Variants in SORCS1 observed in about 807,000 individuals in gnomAD.
SORCS1 encodes sortilin related VPS10 domain containing receptor 1.
In SORCS1, 60 loss-of-function variants were observed where a neutral mutation model predicts 146.1. The ratio of observed to expected loss-of-function variants is 0.41; its 90% CI spans 0.33 to 0.51. The LOEUF is 0.51. Ranked by LOEUF, SORCS1 falls within the 20% of genes least tolerant of loss-of-function variation. The probability of loss-of-function intolerance (pLI) is 0.21; values close to 1 mark genes in which losing one functional copy is unlikely to be tolerated. For synonymous variants in SORCS1, 637 were observed against 584.0 expected, an observed-to-expected ratio of 1.09 and a Z score of -1.31; for missense variants, 1,352 against 1,487.6, an observed-to-expected ratio of 0.91 and a Z score of 1.50.
rs866732842 is a variant in SORCS1 at position 106,927,812 on chromosome 10, T to G, written c.626+28701A>C. On this transcript the variant is annotated intron_variant, in intron 2 of 25. Transcript: ENST00000263054. ...GAGCTAGACACAGGGTACTGATTGG[T>G]GTGTTTACAAACCTTGAGCTAGACA... 1.0e-3 allele frequency among the ~76,000 whole-genome samples: 157 copies of G among 152,180 alleles called. 1 individual carries two copies. Among genetic ancestry groups the G allele is most frequent in the Admixed American group, 2.2e-3 (34 of 15,278 alleles).
At chr10:107,073,068 C>G (rs1430928778) in intron 1 of SORCS1, among the ~76,000 whole-genome samples, 1 of 152,172 alleles carries the variant, frequency 6.6e-6, no homozygotes, top group Non-Finnish European at 1.5e-5. Flanking sequence ...ACTGTCTGGT[C>G]TCAATTACTT....
chr10:106,893,749 G>A (rs1301910098), intron 2 of SORCS1, among the ~76,000 whole-genome samples: 4 of 152,190 alleles, frequency 2.6e-5, no homozygotes, highest in Non-Finnish European at 5.9e-5. Flanking sequence ...AGGAGAAAGA[G>A]TGGAGTTCAG....
At chr10:106,804,391 A>ACC (rs148084670) in intron 3 of SORCS1, among the ~76,000 whole-genome samples, 42,216 of 149,624 alleles carry the variant, frequency 0.28, 6,282 homozygotes, top group Non-Finnish European at 0.31. Context: ...AATAAAATAA[A>ACC]CCTAACAAAT....
intron 6 of SORCS1, among the ~76,000 whole-genome samples, chr10:106,719,118 T>G (rs1318114673): frequency 6.6e-6 from 1 of 151,330 alleles, no homozygotes; most frequent in East Asian, 1.9e-4. Flanking sequence ...GGGGAAGGAG[T>G]TAAAGAGCGA....
rs77151638 is a variant in SORCS1, at chr10:107,153,882, C to T, written c.558+10087G>A. Among the ~76,000 whole-genome samples the T allele has an allele frequency of 1.0e-2, 1,518 of 152,248 alleles. 35 individuals are homozygous for T. The highest frequency in any genetic ancestry group is 0.034 in the African/African-American group (1,416 of 41,540). ...AGAATCCTAACATTCATCATTATCA[C>T]TGGCAAACATTTTGAGTCATATCCT... On this transcript the variant is annotated intron_variant, in intron 1 of 25. Transcript: ENST00000263054.
chr10:107,020,674 T>G (rs1958089020), intron 1 of SORCS1, among the ~76,000 whole-genome samples: 1 of 152,184 alleles, frequency 6.6e-6, no homozygotes, highest in African/African-American at 2.4e-5. Context: ...GTCCTGTTTT[T>G]CTTCCTGTTA....
intron 22 of SORCS1, 63 bp downstream of exon 22, chr10:106,611,848 T>C (rs1410341139): frequency 7.9e-7 from 1 of 1,270,420 alleles, no homozygotes; most frequent in Non-Finnish European, 1.1e-6. Context: ...CCCCTTTCTG[T>C]GAAATTCTTC....
At position 106,597,331 on chromosome 10, in the gene SORCS1, C is replaced by G; in HGVS notation, c.3265+20G>C. On this transcript the variant is annotated intron_variant, in intron 24 of 25. Transcript: ENST00000263054. ...CTTTGCCAGAGCCACCAGCCAGAAC[C>G]CCGGGACATGGACACTGACCCGCTG... 6.2e-7 allele frequency: 1 copy of G among 1,608,670 alleles called. No homozygotes were observed. Among genetic ancestry groups the G allele is most frequent in the Non-Finnish European group, 8.5e-7 (1 of 1,175,274 alleles).
chr10:106,705,530 G>A (rs1854455252), intron 8 of SORCS1, among the ~76,000 whole-genome samples: 1 of 152,142 alleles, frequency 6.6e-6, no homozygotes, highest in Non-Finnish European at 1.5e-5. Flanking sequence ...AAGAGGCATG[G>A]CAACTCAATT....
In SORCS1 at chr10:106,599,932, C is replaced by T. The variant is rs373168188; in HGVS notation, c.3166-2482G>A. On this transcript the variant is annotated intron_variant, in intron 23 of 25. Coordinates refer to ENST00000263054, the MANE Select transcript of SORCS1 (RefSeq NM_052918.5). ...GATTACAGGCGCCTGCCACCACATC[C>T]GGCTATTTTGTTGTTTGTTTGTTTG... Among the ~76,000 whole-genome samples the T allele has an allele frequency of 1.0e-3, 158 of 152,022 alleles. 3 individuals carry two copies. In the South Asian group the frequency reaches 0.031, roughly 30 times the overall value.
chr10:106,901,751 T>C (rs1352131583), intron 2 of SORCS1, among the ~76,000 whole-genome samples: 1 of 152,114 alleles, frequency 6.6e-6, no homozygotes, highest in Non-Finnish European at 1.5e-5. Context: ...TTTAAAAAAT[T>C]AGATTTTACT....
intron 2 of SORCS1, among the ~76,000 whole-genome samples, chr10:106,887,800 T>A (rs948056568): frequency 1.3e-5 from 2 of 152,222 alleles, no homozygotes; most frequent in East Asian, 3.8e-4. Context: ...ATGACTATTA[T>A]TTTTTCATTA....
chr10:107,038,697 G>C lies in SORCS1; in HGVS notation c.559-82117C>G, dbSNP rs1453397399. On this transcript the variant is annotated intron_variant, in intron 1 of 25. Coordinates refer to ENST00000263054, the MANE Select transcript of SORCS1 (RefSeq NM_052918.5). ...CCACCCCCAACCCTGGGCAGGGGGC[G>C]GGGGGGGAGGTGGTAGTGGTGAGGA... Among the ~76,000 whole-genome samples the C allele has an allele frequency of 3.9e-4, 5 of 12,692 alleles. No individual in the cohort carries two copies. The African/African-American group carries it at 5.8e-3, about 15-fold the overall frequency. The allele number at this position is 12,692 out of a possible 152,430, so 8.3% of individuals were successfully genotyped here. A position where few individuals can be genotyped will look rare whatever the true frequency, so the allele number is the denominator to read the frequency against.
chr10:106,649,443 T>C (rs1167672119), intron 18 of SORCS1, among the ~76,000 whole-genome samples: 1 of 152,170 alleles, frequency 6.6e-6, no homozygotes, highest in Non-Finnish European at 1.5e-5. Flanking sequence ...TGTTTCAATA[T>C]CTCTATTATT....
intron 2 of SORCS1, among the ~76,000 whole-genome samples, chr10:106,832,526 C>G (rs1413627816): frequency 6.6e-6 from 1 of 151,958 alleles, no homozygotes; most frequent in Non-Finnish European, 1.5e-5. Context: ...TTTTTCCATT[C>G]TTATCTTAAC....
intron 10 of SORCS1, among the ~76,000 whole-genome samples, chr10:106,682,661 G>A (rs1210814203): frequency 1.3e-5 from 2 of 152,140 alleles, no homozygotes; most frequent in Non-Finnish European, 2.9e-5. Context: ...TTTTGCCCAG[G>A]CTGGGGGCAC....
intron 19 of SORCS1, among the ~76,000 whole-genome samples, chr10:106,628,087 T>C (rs914527553): frequency 6.6e-6 from 1 of 152,194 alleles, no homozygotes; most frequent in African/African-American, 2.4e-5. Context: ...GCAGATTGAG[T>C]TGGCATACTG....
intron 2 of SORCS1, among the ~76,000 whole-genome samples, chr10:106,944,115 C>CTACTT: frequency 6.6e-6 from 1 of 152,310 alleles, no homozygotes; most frequent in South Asian, 2.1e-4. Flanking sequence ...GTTTCACTGA[C>CTACTT]TACTTTGTTC....
intron 1 of SORCS1, among the ~76,000 whole-genome samples, chr10:107,048,514 T>C (rs1590017595): frequency 6.6e-6 from 1 of 152,340 alleles, no homozygotes; most frequent in East Asian, 1.9e-4. Flanking sequence ...GTAGCCCCAA[T>C]GACTAGGACT....
Sources: allele counts gnomAD v4.1 joint callset (sites outside exome capture counted in the v4.1 genomes callset), GRCh38; gene constraint gnomAD v4.1.1; transcripts MANE v1.5; gene names NCBI Gene and HGNC (gene_info 2026-07-23, HGNC 2026-07-21).